The following TLE3 variants were observed in gnomAD, a reference collection of about 807,000 sequenced individuals.
The protein encoded by TLE3 is TLE family member 3, transcriptional corepressor.
TLE3 carries 14 observed loss-of-function variants against 93.0 expected under a neutral mutation model. The observed-to-expected ratio is 0.15, with a 90% CI of 0.10 to 0.24. The LOEUF is 0.24. Ranked by LOEUF, TLE3 falls within the 10% of genes least tolerant of loss-of-function variation. The pLI is 1.00. For synonymous variants in TLE3, 451 were observed against 425.0 expected, an observed-to-expected ratio of 1.06 and a Z score of -0.75; for missense variants, 693 against 1,046.6, an observed-to-expected ratio of 0.66 and a Z score of 4.66.
At chr15:70,087,856 AG>A (rs1003441610) in intron 4 of TLE3, among the ~76,000 whole-genome samples, 1 of 152,240 alleles carries the variant, frequency 6.6e-6, no homozygotes, top group African/African-American at 2.4e-5. Context: ...TGTGAAGGGG[AG>A]AAAAGTATTT....
rs748467240 is a variant in TLE3, at chr15:70,058,780, G to A, written c.801C>T (p.Ser267=). 4 of 1,608,042 alleles carry A rather than the reference G, an allele frequency of 2.5e-6. No homozygotes were observed. The South Asian group carries it at 3.3e-5, about 13-fold the overall frequency. Reference sequence around the variant, plus strand: ...CCTTGTCCAGCCCATTTTCAGGAGGGGAGTGTGCCGGGCTGACCCGGGGCG... The same window carrying A: ...CCTTGTCCAGCCCATTTTCAGGAGGAGAGTGTGCCGGGCTGACCCGGGGCG... ...PATPRVSPAH[S]PPENGLDKAR... The change falls in exon 11 of 20, where the codon TCC becomes TCT. Residue 267 remains serine (S), a synonymous_variant. Transcript: ENST00000451782. This position sits in a 1 kb window ranked among gnomAD's most constrained non-coding sequence, Gnocchi z 4.1.
At chr15:70,080,184 T>C (rs1316428050) in intron 4 of TLE3, among the ~76,000 whole-genome samples, 1 of 152,104 alleles carries the variant, frequency 6.6e-6, no homozygotes, top group Non-Finnish European at 1.5e-5. Context: ...CCGTTATCGA[T>C]AAGGCGGCTG....
At position 70,054,431 on chromosome 15, in the gene TLE3, G is replaced by A. The variant is rs143088203; in HGVS notation, c.1826+7C>T. The A allele has an allele frequency of 3.2e-5, 52 of 1,609,712 alleles. No homozygotes were observed. The East Asian group carries it at 6.3e-4, about 19-fold the overall frequency. On this transcript the variant is annotated splice_region_variant and intron_variant, in intron 16 of 19. Transcript: ENST00000451782. The stretch of plus-strand genomic sequence containing the variant: ...CGAGGCACTAATGCTCCCTCCTGCC[G>A]GCTCACCTGACCAGGGTCTGGTTGT...
rs761547096 is a variant in TLE3, at chr15:70,059,395, C to T, written c.765+15G>A. On this transcript the variant is annotated intron_variant, in intron 10 of 19. Coordinates refer to ENST00000451782, the MANE Select transcript of TLE3 (RefSeq NM_001105192.3). The stretch of plus-strand genomic sequence containing the variant: ...GCCAAACCAAGAGCCCCCTTGCGAC[C>T]GGGCCTGCCCATACCTCATTGGAAA... 5 of 1,606,622 alleles carry T rather than the reference C, an allele frequency of 3.1e-6. No individual in the cohort carries two copies. The highest frequency in any genetic ancestry group is 1.3e-5 in the African/African-American group (1 of 74,902).
chr15:70,096,886 C>CG lies in TLE3; in HGVS notation c.-89dup. The CG allele has an allele frequency of 6.9e-7, 1 of 1,456,276 alleles. No individual in the cohort carries two copies. The highest frequency in any genetic ancestry group is 9.3e-7 in the Non-Finnish European group (1 of 1,070,058). The allele number at this position is 1,456,276 out of a possible 1,614,324, so 90.2% of individuals were successfully genotyped here. ...GGGGGAGGGGGGAGCCGAGCCCGAG[C>CG]GGGGGGCGGCCGGGAAACCGAGAGC... On this transcript the variant is annotated 5_prime_UTR_variant, in exon 1 of 20. Coordinates refer to ENST00000451782, the MANE Select transcript of TLE3 (RefSeq NM_001105192.3).
At chr15:70,081,505 AATG>A (rs1403751290) in intron 4 of TLE3, among the ~76,000 whole-genome samples, 1 of 152,218 alleles carries the variant, frequency 6.6e-6, no homozygotes, top group African/African-American at 2.4e-5. Flanking sequence ...AGGCAAGAAC[AATG>A]ATATCATACT....
Position 70,095,861 on chromosome 15 carries a change from A to T in TLE3, c.126-220T>A, listed in dbSNP as rs922224888. ...CTTCCCGCGAGCCAAAGGACTTATCACGGCAGCAGGGGAGTAGGACCCTGA... is the reference window on the plus strand; with the variant it reads ...CTTCCCGCGAGCCAAAGGACTTATCTCGGCAGCAGGGGAGTAGGACCCTGA... On this transcript the variant is annotated intron_variant, in intron 2 of 19. Coordinates refer to ENST00000451782, the MANE Select transcript of TLE3 (RefSeq NM_001105192.3). The T allele has an allele frequency of 1.9e-5, 12 of 643,230 alleles. No homozygotes were observed. The Admixed American group carries it at 3.3e-4, about 18-fold the overall frequency. The allele number at this position is 643,230 out of a possible 1,614,324, so 39.8% of individuals were successfully genotyped here. A position where few individuals can be genotyped will look rare whatever the true frequency, so the allele number is the denominator to read the frequency against.
At chr15:70,050,507 C>G (rs542122453) in intron 19 of TLE3, 1 of 208,520 alleles carries the variant, frequency 4.8e-6, no homozygotes, top group Non-Finnish European at 9.8e-6. Context: ...CAGAACAGGA[C>G]GCTTTAGCAA....
intron 4 of TLE3, among the ~76,000 whole-genome samples, chr15:70,090,249 G>T (rs550801698): frequency 1.9e-3 from 272 of 145,570 alleles, no homozygotes; most frequent in Middle Eastern, 6.9e-3. Flanking sequence ...CTGTTCCAGG[G>T]AAGATCAATA....
At chr15:70,052,878 T>C in intron 17 of TLE3, 1 of 315,220 alleles carries the variant, frequency 3.2e-6, no homozygotes, top group Non-Finnish European at 5.8e-6. Context: ...GAGTCGGGTT[T>C]ATGGCTACGC....
chr15:70,075,290 T>A (rs2057382880), intron 5 of TLE3, among the ~76,000 whole-genome samples: 1 of 152,198 alleles, frequency 6.6e-6, no homozygotes, highest in Non-Finnish European at 1.5e-5. Context: ...ATATGGGAAA[T>A]CTCTGTGAAC....
At position 70,096,889 on chromosome 15, in the gene TLE3, G is replaced by C; in HGVS notation, c.-91C>G. The C allele has an allele frequency of 2.1e-6, 3 of 1,449,614 alleles. No individual in the cohort carries two copies. Among genetic ancestry groups the C allele is most frequent in the Non-Finnish European group, 1.9e-6 (2 of 1,063,974 alleles). 89.8% of individuals were successfully genotyped at this position (1,449,614 alleles called of 1,614,324 possible). On this transcript the variant is annotated 5_prime_UTR_variant, in exon 1 of 20. Coordinates refer to ENST00000451782, the MANE Select transcript of TLE3 (RefSeq NM_001105192.3). ...GGAGGGGGGAGCCGAGCCCGAGCGG[G>C]GGGCGGCCGGGAAACCGAGAGCTCG...
rs750410313 is a variant in TLE3, at chr15:70,079,466, G to A, written c.235-3308C>T. The A allele has an allele frequency of 1.4e-4, 68 of 471,632 alleles. 1 individual carries two copies. Among genetic ancestry groups the A allele is most frequent in the South Asian group, 5.8e-4 (38 of 65,018 alleles). The allele number at this position is 471,632 out of a possible 1,614,324, so 29.2% of individuals were successfully genotyped here. On this transcript the variant is annotated intron_variant, in intron 4 of 19. Transcript: ENST00000451782. ...AAACCCAGCCCCTCCCCTGGGAAAG[G>A]GACATGAAGCAAGCACATCCCATCC...
intron 5 of TLE3, among the ~76,000 whole-genome samples, chr15:70,075,058 C>T (rs2141811819): frequency 6.6e-6 from 1 of 152,284 alleles, no homozygotes; most frequent in African/African-American, 2.4e-5. Flanking sequence ...CTGCAATTTA[C>T]CGTCAAAGGA....
At chr15:70,065,803 G>A (rs1164035617) in intron 7 of TLE3, among the ~76,000 whole-genome samples, 1 of 152,226 alleles carries the variant, frequency 6.6e-6, no homozygotes, top group Non-Finnish European at 1.5e-5. Flanking sequence ...TCAGGACAGA[G>A]AATACCAGGT....
chr15:70,091,056 C>A (rs535018941), intron 4 of TLE3, among the ~76,000 whole-genome samples: 2 of 152,254 alleles, frequency 1.3e-5, no homozygotes, highest in South Asian at 4.1e-4. Flanking sequence ...TTACCACTAA[C>A]GTGGGACTGT....
Position 70,066,123 on chromosome 15 carries a change from G to C in TLE3, c.468C>G (p.Ile156Met). The stretch of plus-strand genomic sequence containing the variant: ...CGGAGCTGCTCCCTGTCACTGGGGG[G>C]ATTCCTGGAGGCTGGAGACCTGACG... Reference protein sequence around the residue: ...PHPSGLQPPGIPPVTGSSSGL... With the variant: ...PHPSGLQPPGMPPVTGSSSGL... Residue 156 changes from isoleucine to methionine, a missense_variant, in exon 7 of 20, where the codon ATC (isoleucine) becomes ATG (methionine). Coordinates refer to ENST00000451782, the MANE Select transcript of TLE3 (RefSeq NM_001105192.3). 3 of 1,563,106 alleles carry C rather than the reference G, an allele frequency of 1.9e-6. No individual in the cohort carries two copies. The highest frequency in any genetic ancestry group is 2.6e-6 in the Non-Finnish European group (3 of 1,153,570).
chr15:70,060,950 C>A (rs944306338), intron 8 of TLE3, among the ~76,000 whole-genome samples: 11 of 152,218 alleles, frequency 7.2e-5, no homozygotes, highest in African/African-American at 2.7e-4. Flanking sequence ...TGTGGGACTA[C>A]GCTCTGTGAG....
intron 17 of TLE3, 101 bp from the exon 18 acceptor site, chr15:70,052,625 G>A (rs1595857409): frequency 2.2e-6 from 3 of 1,385,356 alleles, no homozygotes; most frequent in East Asian, 5.0e-5. Context: ...GAGGCTCAGG[G>A]TCCCTCCCCA....
Sources: gnomAD v4.1 joint callset for allele counts (sites outside exome capture counted in the v4.1 genomes callset) on GRCh38, gnomAD v4.1.1 for gene constraint, Gnocchi (gnomAD v3.1) non-coding constraint, MANE v1.5 for transcripts, NCBI Gene and HGNC (gene_info 2026-07-23, HGNC 2026-07-21) for gene names.